Variants in HEMK2 observed in about 807,000 individuals in gnomAD.
HEMK2 encodes methyltransferase HEMK2.
the HEMK2 span, among the ~76,000 whole-genome samples, chr21:28,736,725 A>T: frequency 1.3e-5 from 2 of 151,586 alleles, no homozygotes; most frequent in Non-Finnish European, 2.9e-5. Context: ...ATATCGTGTC[A>T]CTGCACTCCA....
the HEMK2 span, among the ~76,000 whole-genome samples, chr21:28,716,440 C>T: frequency 7.0e-3 from 1,061 of 152,212 alleles, 11 homozygotes; most frequent in African/African-American, 0.024. Flanking sequence ...AGCTTGAACA[C>T]TATTGATGCA....
chr21:28,833,643 T>C, the HEMK2 span, among the ~76,000 whole-genome samples: 1 of 152,228 alleles, frequency 6.6e-6, no homozygotes, highest in African/African-American at 2.4e-5. Flanking sequence ...AACTTAAAAA[T>C]GTTTTTCCAA....
the HEMK2 span, among the ~76,000 whole-genome samples, chr21:28,698,894 A>G: frequency 2.0e-5 from 3 of 152,186 alleles, no homozygotes; most frequent in Non-Finnish European, 4.4e-5. Flanking sequence ...TTGCATACCT[A>G]CCCCGACCAA....
chr21:28,694,597 G>A, the HEMK2 span, among the ~76,000 whole-genome samples: 1 of 151,836 alleles, frequency 6.6e-6, no homozygotes, highest in African/African-American at 2.4e-5. Context: ...AGTTATACTT[G>A]CATTTCCCAA....
chr21:28,864,333 G>A, the HEMK2 span, among the ~76,000 whole-genome samples: 2 of 152,176 alleles, frequency 1.3e-5, no homozygotes, highest in Non-Finnish European at 2.9e-5. Context: ...TTGGTAAATA[G>A]CTAAAAAGAT....
the HEMK2 span, among the ~76,000 whole-genome samples, chr21:28,784,843 T>A: frequency 6.6e-6 from 1 of 152,206 alleles, no homozygotes; most frequent in Non-Finnish European, 1.5e-5. Context: ...GGCAACCCAC[T>A]CAGATCCCCT....
At chr21:28,689,286 T>C in the HEMK2 span, among the ~76,000 whole-genome samples, 6 of 152,318 alleles carry the variant, frequency 3.9e-5, no homozygotes, top group East Asian at 9.6e-4. Context: ...TAAGACATAA[T>C]CATTTAATCA....
the HEMK2 span, among the ~76,000 whole-genome samples, chr21:28,615,650 G>A: frequency 6.6e-6 from 1 of 152,162 alleles, no homozygotes; most frequent in Non-Finnish European, 1.5e-5. Context: ...ACCAGGAGGA[G>A]GGGCACTTTT....
the HEMK2 span, among the ~76,000 whole-genome samples, chr21:28,694,628 AT>A: frequency 2.0e-5 from 3 of 150,182 alleles, no homozygotes; most frequent in Admixed American, 6.6e-5. Context: ...TCCCTCCTCT[AT>A]TTTTTTTTGT....
the HEMK2 span, among the ~76,000 whole-genome samples, chr21:28,713,981 G>C: frequency 2.6e-5 from 4 of 152,194 alleles, no homozygotes; most frequent in Non-Finnish European, 5.9e-5. Context: ...AGGAATAATG[G>C]ACCTGGAATT....
At chr21:28,793,877 G>A in the HEMK2 span, among the ~76,000 whole-genome samples, 4 of 152,112 alleles carry the variant, frequency 2.6e-5, no homozygotes, top group Non-Finnish European at 4.4e-5. Flanking sequence ...AAGCCAAGAG[G>A]ACATCTGAAA....
At chr21:28,832,257 C>CACAGA in the HEMK2 span, among the ~76,000 whole-genome samples, 1 of 152,172 alleles carries the variant, frequency 6.6e-6, no homozygotes, top group African/African-American at 2.4e-5. Flanking sequence ...TACAAAGAGG[C>CACAGA]ACAGTCATGT....
At chr21:28,851,084 G>A in the HEMK2 span, among the ~76,000 whole-genome samples, 1 of 152,154 alleles carries the variant, frequency 6.6e-6, no homozygotes, top group Non-Finnish European at 1.5e-5. Context: ...CAGGTCGCAT[G>A]GTGACTTGAT....
At chr21:28,879,823 C>A in the HEMK2 span, 1 of 1,392,186 alleles carries the variant, frequency 7.2e-7, no homozygotes. Flanking sequence ...ATTTTACAAA[C>A]AAAATAATTG....
the HEMK2 span, among the ~76,000 whole-genome samples, chr21:28,693,683 C>T: frequency 6.6e-6 from 1 of 152,188 alleles, no homozygotes; most frequent in Non-Finnish European, 1.5e-5. Flanking sequence ...GGAAAGCATG[C>T]TTTCTTCTTT....
chr21:28,839,143 C>T, the HEMK2 span, among the ~76,000 whole-genome samples: 1 of 151,216 alleles, frequency 6.6e-6, no homozygotes, highest in African/African-American at 2.4e-5. Flanking sequence ...TCAATAGATG[C>T]AGAAAAAGCA....
chr21:28,620,749 C>T, the HEMK2 span, among the ~76,000 whole-genome samples: 5 of 141,742 alleles, frequency 3.5e-5, no homozygotes, highest in Admixed American at 3.0e-4. Context: ...TCGGGGCTCA[C>T]TGCAACCTCC....
At chr21:28,606,308 T>C in the HEMK2 span, among the ~76,000 whole-genome samples, 1 of 152,152 alleles carries the variant, frequency 6.6e-6, no homozygotes, top group South Asian at 2.1e-4. Context: ...ATCGTATTGT[T>C]CTCCGGAATA....
the HEMK2 span, among the ~76,000 whole-genome samples, chr21:28,614,699 G>GGAATTTAATAGATGACATCTGATTC: frequency 6.6e-6 from 1 of 152,092 alleles, no homozygotes; most frequent in African/African-American, 2.4e-5. Context: ...ACTAGAATAT[G>GGAATTTAATAGATGACATCTGATTC]GAATTTAATA....
Sources: gnomAD v4.1 joint callset for allele counts (sites outside exome capture counted in the v4.1 genomes callset) on GRCh38, gnomAD v4.1.1 for gene constraint, MANE v1.5 for transcripts, NCBI Gene and HGNC (gene_info 2026-07-23, HGNC 2026-07-21) for gene names.